PALD1: variants seen among roughly 807,000 people sequenced by gnomAD.
PALD1 encodes phosphatase domain containing paladin 1, also known as paladin.
Under a neutral mutation model 96.0 loss-of-function variants are expected in PALD1, and 57 were observed. The ratio of observed to expected loss-of-function variants is 0.59; its 90% CI spans 0.48 to 0.74. The LOEUF (loss-of-function observed/expected upper bound fraction) is 0.74, where lower values mean the gene tolerates loss of function less well. PALD1 is among the 30% of genes least tolerant of loss of function. The pLI is 0.00. For synonymous variants in PALD1, 464 were observed against 473.6 expected (o/e 0.98, Z 0.26); for missense variants, 1,063 against 1,143.7 (o/e 0.93, Z 1.02).
rs551362585 is a variant in PALD1 at position 70,501,445 on chromosome 10, G to T, written c.-30+22386G>T. On this transcript the variant is annotated intron_variant, in intron 1 of 19. Coordinates refer to ENST00000263563, the MANE Select transcript of PALD1 (RefSeq NM_014431.3). ...GGAGAGCGAGGCTCAGAGAGGCCAA[G>T]CCATGGGCCTCTGGTGAGGGACAGC... is the stretch of plus-strand genomic sequence containing the variant. Among the ~76,000 whole-genome samples, 6 of 152,328 alleles carry T rather than the reference G, an allele frequency of 3.9e-5. No homozygotes were observed. In the South Asian group the frequency reaches 1.2e-3, roughly 32 times the overall value.
At chr10:70,486,509 C>T (rs1202230226) in intron 1 of PALD1, among the ~76,000 whole-genome samples, 1 of 152,136 alleles carries the variant, frequency 6.6e-6, no homozygotes, top group Non-Finnish European at 1.5e-5. Context: ...ACCTGTAATC[C>T]CAGCACTTTG....
At chr10:70,538,507 G>A (rs761538085) in intron 12 of PALD1, 99 bp downstream of exon 12, 2 of 1,265,692 alleles carry the variant, frequency 1.6e-6, no homozygotes, top group African/African-American at 1.5e-5. Flanking sequence ...CATTGCCCTT[G>A]CAGGAGGTGA....
At chr10:70,535,565 CTCTTCCTTCCTCCTCCTT>C (rs1847096528) in intron 10 of PALD1, among the ~76,000 whole-genome samples, 1 of 144,046 alleles carries the variant, frequency 6.9e-6, no homozygotes, top group African/African-American at 2.6e-5. Context: ...CCTCCTCCTT[CTCTTCCTTCCTCCTCCTT>C]CTTCCTCCTT....
chr10:70,486,652 T>C (rs908425186), intron 1 of PALD1, among the ~76,000 whole-genome samples: 1 of 152,028 alleles, frequency 6.6e-6, no homozygotes, highest in African/African-American at 2.4e-5. Context: ...TCCCAGCTAC[T>C]CAGGAGGCTG....
rs999247404 is a variant in PALD1 at position 70,479,013 on chromosome 10, C to T, written c.-76C>T. ...CGGCGCCCGCAGTTCGGGCGCAGCA[C>T]GCCGGCCGCAGGAGCACGGATGCCC... is the stretch of plus-strand genomic sequence containing the variant. On this transcript the variant is annotated 5_prime_UTR_variant, in exon 1 of 20. It adds an upstream start codon to the 5' untranslated region. Transcript: ENST00000263563. 1 of 152,054 alleles carries T rather than the reference C, an allele frequency of 6.6e-6. No individual in the cohort carries two copies. The highest frequency in any genetic ancestry group is 1.5e-5 in the Non-Finnish European group (1 of 68,036). 9.4% of individuals were successfully genotyped at this position (152,054 alleles called of 1,614,324 possible).
intron 4 of PALD1, 60 bp downstream of exon 4, chr10:70,530,128 T>TGGAGGGG (rs906768831): frequency 1.4e-6 from 2 of 1,400,366 alleles, no homozygotes; most frequent in African/African-American, 2.9e-5. Flanking sequence ...AGGGGCACCT[T>TGGAGGGG]GGAGGGGCAG....
Position 70,522,296 on chromosome 10 carries a change from T to C in PALD1, c.-29-3627T>C, listed in dbSNP as rs180877887. Among the ~76,000 whole-genome samples, 7 of 152,308 alleles carry C rather than the reference T, an allele frequency of 4.6e-5. No homozygotes were observed. In the East Asian group the frequency reaches 1.3e-3, roughly 29 times the overall value. Reference sequence around the variant, plus strand: ...TATAAGGCAAGGTCAGGCTTCTGTCTAGGATTGCTAGGATTCTCCAAGCTT... The same window carrying C: ...TATAAGGCAAGGTCAGGCTTCTGTCCAGGATTGCTAGGATTCTCCAAGCTT... On this transcript the variant is annotated intron_variant, in intron 1 of 19. Transcript: ENST00000263563.
chr10:70,474,535 C>G (rs1008890260), upstream of PALD1, among the ~76,000 whole-genome samples: 2 of 152,178 alleles, frequency 1.3e-5, no homozygotes, highest in East Asian at 1.9e-4. Flanking sequence ...CCACTGCACT[C>G]CAGCCTGAGA....
In PALD1 at chr10:70,549,678, G is replaced by C. The variant is rs557346379; in HGVS notation, c.2262+2232G>C. 5.3e-5 allele frequency among the ~76,000 whole-genome samples: 8 copies of C among 152,358 alleles called. No homozygotes were observed. The East Asian group carries it at 1.4e-3, about 26-fold the overall frequency. On this transcript the variant is annotated intron_variant, in intron 18 of 19. Coordinates refer to ENST00000263563, the MANE Select transcript of PALD1 (RefSeq NM_014431.3). ...CAAAGGTGGTTCGGTGCCCGCATCT[G>C]ATGACACAGAAGTTATTGGAGATGA...
chr10:70,462,907 C>T, the PALD1 span, among the ~76,000 whole-genome samples: 1 of 152,212 alleles, frequency 6.6e-6, no homozygotes, highest in Admixed American at 6.5e-5. Context: ...GGGCTCCCAG[C>T]CCTGGGAACT....
chr10:70,551,261 G>T (rs1333426534), intron 18 of PALD1, among the ~76,000 whole-genome samples: 2 of 152,118 alleles, frequency 1.3e-5, no homozygotes, highest in Non-Finnish European at 2.9e-5. Flanking sequence ...CTCACCTGTG[G>T]TATCAGCTGT....
intron 10 of PALD1, among the ~76,000 whole-genome samples, chr10:70,537,056 G>C (rs1199622659): frequency 6.6e-6 from 1 of 152,224 alleles, no homozygotes. Flanking sequence ...TGGCTCCCCT[G>C]GAGCACTGCT....
chr10:70,493,988 T>G (rs1449934099), intron 1 of PALD1, among the ~76,000 whole-genome samples: 2 of 152,204 alleles, frequency 1.3e-5, no homozygotes, highest in African/African-American at 2.4e-5. Flanking sequence ...TAAAAGCCAG[T>G]GTCCTTACTG....
intron 1 of PALD1, among the ~76,000 whole-genome samples, chr10:70,500,456 C>T (rs1199265870): frequency 6.6e-6 from 1 of 152,180 alleles, no homozygotes; most frequent in Non-Finnish European, 1.5e-5. Flanking sequence ...TATATTCTGG[C>T]CTCACAAGCA....
In PALD1 at chr10:70,507,750, CGTGTGTGT is replaced by C. The variant is rs10579511; in HGVS notation, c.-29-18139_-29-18132del. On this transcript the variant is annotated intron_variant, in intron 1 of 19. Transcript: ENST00000263563. ...GTTACATTTGTATGTTTTGTGTGTG[CGTGTGTGT>C]GTGTGTGTGTGTGTGTGTGTGTGTG... Among the ~76,000 whole-genome samples, 477 of 148,754 alleles carry C rather than the reference CGTGTGTGT, an allele frequency of 3.2e-3. 1 individual carries two copies. The highest frequency in any genetic ancestry group is 0.03 in the East Asian group (150 of 5,062).
intron 1 of PALD1, among the ~76,000 whole-genome samples, chr10:70,512,314 G>A (rs1846530500): frequency 6.6e-6 from 1 of 152,200 alleles, no homozygotes; most frequent in Admixed American, 6.5e-5. Context: ...ATTAAATCTG[G>A]GCCATTTCCA....
At chr10:70,522,193 T>G (rs532622597) in intron 1 of PALD1, among the ~76,000 whole-genome samples, 1 of 152,062 alleles carries the variant, frequency 6.6e-6, no homozygotes, top group East Asian at 1.9e-4. Flanking sequence ...CAGGCCGTTG[T>G]GATTTTTTTT....
chr10:70,533,377 GTGTA>G (rs201962706), intron 7 of PALD1, among the ~76,000 whole-genome samples: 1,576 of 152,180 alleles, frequency 0.01, 8 homozygotes, highest in Non-Finnish European at 0.016. Context: ...GTGTCTGTGT[GTGTA>G]TGTGTTTGTG....
At chr10:70,522,169 G>T (rs1053798442) in intron 1 of PALD1, among the ~76,000 whole-genome samples, 1 of 152,166 alleles carries the variant, frequency 6.6e-6, no homozygotes, top group East Asian at 1.9e-4. Context: ...CTTGTGCCCC[G>T]CATGGTGGAC....
Sources: gnomAD v4.1 joint callset for allele counts (sites outside exome capture counted in the v4.1 genomes callset) on GRCh38, gnomAD v4.1.1 for gene constraint, MANE v1.5 for transcripts, NCBI Gene and HGNC (gene_info 2026-07-23, HGNC 2026-07-21) for gene names.